RBM25: variants seen among roughly 807,000 people sequenced by gnomAD.
The protein encoded by RBM25 is RNA binding motif protein 25, also known as RNA-binding protein 25.
A neutral mutation model predicts 120.7 loss-of-function variants in RBM25; 19 were observed. That is an observed-to-expected ratio of 0.16 (90% confidence interval 0.11 to 0.23). RBM25 has a LOEUF of 0.23. Among genes scored for constraint, RBM25 ranks in the 10% least tolerant of loss-of-function variants. The pLI, the probability that RBM25 is intolerant of heterozygous loss-of-function variation, is 1.00. For synonymous variants in RBM25, 390 were observed against 326.7 expected (o/e 1.19, Z -2.09); for missense variants, 605 against 1,041.5 (o/e 0.58, Z 5.77).
At position 73,097,630 on chromosome 14, in the gene RBM25, C is replaced by T. The variant is rs185087789; in HGVS notation, c.729+530C>T. 9.8e-5 allele frequency among the ~76,000 whole-genome samples: 15 copies of T among 152,292 alleles called. No individual in the cohort carries two copies. In the East Asian group the frequency reaches 1.7e-3, roughly 18 times the overall value. ...GATTACAGTCATGAGCCACTGCGCC[C>T]GGCCCCTATTTTACTTTGTTTGCCT... On this transcript the variant is annotated intron_variant, in intron 7 of 18. Transcript: ENST00000261973.
chr14:73,116,171 C>G (rs1896423307), intron 18 of RBM25, among the ~76,000 whole-genome samples: 1 of 151,838 alleles, frequency 6.6e-6, no homozygotes, highest in African/African-American at 2.4e-5. Flanking sequence ...AGTGCCGGGG[C>G]TCTAGGAGAT....
rs761275744 is a variant in RBM25, at chr14:73,106,284, T to C, written c.1466T>C (p.Met489Thr). ...AEREEERRRE[M>T]AKEAKRLKEF... ...AGAGAAGAAGAAAGAAGAAGAGAAA[T>C]GGTAAGATTCTAGGCTAAAATAAGT... Residue 489 changes from methionine to threonine, a missense_variant and splice_region_variant, in exon 12 of 19, where the codon ATG becomes ACG. Coordinates refer to ENST00000261973, the MANE Select transcript of RBM25 (RefSeq NM_021239.3). The C allele has an allele frequency of 3.2e-6, 5 of 1,566,294 alleles. No individual in the cohort carries two copies. The East Asian group carries it at 1.1e-4, about 35-fold the overall frequency.
intron 1 of RBM25, among the ~76,000 whole-genome samples, chr14:73,069,470 A>C (rs1895222396): frequency 6.6e-6 from 1 of 151,868 alleles, no homozygotes; most frequent in African/African-American, 2.4e-5. Context: ...TTGAGATGGA[A>C]TTTTGCTCTT....
intron 1 of RBM25, among the ~76,000 whole-genome samples, chr14:73,071,399 T>C (rs1440982592): frequency 6.6e-6 from 1 of 152,166 alleles, no homozygotes; most frequent in Non-Finnish European, 1.5e-5. Context: ...TATTCCTACA[T>C]GATTGTAGGA....
At chr14:73,086,662 C>T (rs987649257) in intron 5 of RBM25, among the ~76,000 whole-genome samples, 1 of 152,164 alleles carries the variant, frequency 6.6e-6, no homozygotes, top group African/African-American at 2.4e-5. Context: ...CAGTTTCACA[C>T]TAACAACATT....
chr14:73,115,488 C>T (rs1896407704), intron 18 of RBM25, among the ~76,000 whole-genome samples: 1 of 152,186 alleles, frequency 6.6e-6, no homozygotes, highest in Non-Finnish European at 1.5e-5. Context: ...ATCCATGTCC[C>T]TGTAAAGGAC....
At chr14:73,116,466 A>G (rs1442502677) in intron 18 of RBM25, among the ~76,000 whole-genome samples, 1 of 152,230 alleles carries the variant, frequency 6.6e-6, no homozygotes, top group Non-Finnish European at 1.5e-5. Context: ...CTAAAGCCAG[A>G]TAACATTCCT....
chr14:73,097,067 C>T lies in RBM25; in HGVS notation c.696C>T (p.His232=), dbSNP rs1895955701. ...CCCCCTCACAGGAATCTGATTCTCA[C>T]CCCAGGAAGAAGAAGAAGGAAAAGA... The part of the protein sequence containing the change: ...LNAPSQESDS[H]PRKKKKEKKE... Residue 232 remains histidine, a synonymous_variant, in exon 7 of 19, where the codon CAC becomes CAT. Transcript: ENST00000261973. 3.7e-6 allele frequency: 6 copies of T among 1,610,804 alleles called. No homozygotes were observed. The highest frequency in any genetic ancestry group is 4.2e-6 in the Non-Finnish European group (5 of 1,179,266).
At chr14:73,108,036 A>T (rs748389701) in intron 13 of RBM25, 137 bp downstream of exon 13, 5 of 669,896 alleles carry the variant, frequency 7.5e-6, no homozygotes, top group Non-Finnish European at 1.3e-5. Context: ...TATTAATTCT[A>T]TAGCTAATAC....
intron 1 of RBM25, among the ~76,000 whole-genome samples, chr14:73,069,664 C>T (rs1895226651): frequency 1.4e-5 from 2 of 147,020 alleles, no homozygotes; most frequent in Non-Finnish European, 3.0e-5. Flanking sequence ...AACTCCCAAC[C>T]TCAGGTCATG....
At chr14:73,116,332 A>G (rs1182735044) in intron 18 of RBM25, among the ~76,000 whole-genome samples, 1 of 152,198 alleles carries the variant, frequency 6.6e-6, no homozygotes, top group African/African-American at 2.4e-5. Context: ...GAAATGGTAG[A>G]TGACTGGGAG....
chr14:73,104,528 A>G (rs1422645017), intron 10 of RBM25, among the ~76,000 whole-genome samples: 1 of 151,624 alleles, frequency 6.6e-6, no homozygotes, highest in Non-Finnish European at 1.5e-5. Context: ...ACTGTCCCGG[A>G]CTAATTTTTG....
chr14:73,117,085 C>A (rs1896444422), intron 18 of RBM25, among the ~76,000 whole-genome samples: 1 of 151,912 alleles, frequency 6.6e-6, no homozygotes. Flanking sequence ...ATTAGTGTTA[C>A]AACAGAGTTC....
chr14:73,109,969 C>T (rs1896274353), intron 14 of RBM25, among the ~76,000 whole-genome samples: 1 of 151,900 alleles, frequency 6.6e-6, no homozygotes, highest in African/African-American at 2.4e-5. Context: ...ACTGCAGCCT[C>T]CACTTCCCAG....
At chr14:73,067,558 C>T (rs1895168716) in intron 1 of RBM25, among the ~76,000 whole-genome samples, 2 of 151,492 alleles carry the variant, frequency 1.3e-5, no homozygotes, top group Admixed American at 6.6e-5. Context: ...GCATGTGCCA[C>T]CACGCCTGGA....
Position 73,058,550 on chromosome 14 carries a change from G to C in RBM25, c.-171G>C, listed in dbSNP as rs151118994. 1 of 152,336 alleles carries C rather than the reference G, an allele frequency of 6.6e-6. No individual in the cohort carries two copies. The highest frequency in any genetic ancestry group is 2.4e-5 in the African/African-American group (1 of 41,566). 9.4% of individuals were successfully genotyped at this position (152,336 alleles called of 1,614,324 possible). A position where few individuals can be genotyped will look rare whatever the true frequency, so the allele number is the denominator to read the frequency against. On this transcript the variant is annotated 5_prime_UTR_variant, in exon 1 of 19. Coordinates refer to ENST00000261973, the MANE Select transcript of RBM25 (RefSeq NM_021239.3). ...GCAAGAGGAAGACCTCCATCAGCTC[G>C]CCGCGCAGCGCGGCTGTATTTGCGG...
chr14:73,087,249 TA>T (rs1443888259), intron 5 of RBM25, among the ~76,000 whole-genome samples: 1 of 152,212 alleles, frequency 6.6e-6, no homozygotes, highest in Non-Finnish European at 1.5e-5. Context: ...TAGATGTAAG[TA>T]AAATAGACTG....
intron 13 of RBM25, among the ~76,000 whole-genome samples, chr14:73,108,660 C>G (rs1594932726): frequency 6.6e-6 from 1 of 152,112 alleles, no homozygotes; most frequent in South Asian, 2.1e-4. Flanking sequence ...TCTAATTTGT[C>G]TGACATGATA....
chr14:73,070,991 C>A (rs887054272), intron 1 of RBM25, among the ~76,000 whole-genome samples: 1 of 150,050 alleles, frequency 6.7e-6, no homozygotes, highest in African/African-American at 2.5e-5. Context: ...CCTGTAATCC[C>A]AGCACTTTGG....
Sources: allele counts gnomAD v4.1 joint callset (sites outside exome capture counted in the v4.1 genomes callset), GRCh38; gene constraint gnomAD v4.1.1; transcripts MANE v1.5; gene names NCBI Gene and HGNC (gene_info 2026-07-23, HGNC 2026-07-21).